Variants in SYNPR observed in about 807,000 individuals in gnomAD.
The protein encoded by SYNPR is synaptoporin.
In SYNPR, 23 loss-of-function variants were observed where a neutral mutation model predicts 32.9. The observed-to-expected ratio is 0.70, with a 90% CI of 0.50 to 0.99. The LOEUF (loss-of-function observed/expected upper bound fraction) is 0.99. Among genes scored for constraint, SYNPR ranks in the 50% least tolerant of loss-of-function variants. The pLI, the probability that SYNPR is intolerant of heterozygous loss-of-function variation, is 0.00. For missense variants in SYNPR, 318 were observed against 349.3 expected, an observed-to-expected ratio of 0.91 and a Z score of 0.71; for synonymous variants, 146 against 135.9, an observed-to-expected ratio of 1.07 and a Z score of -0.52.
chr3:63,212,070 T>C, the SYNPR span, among the ~76,000 whole-genome samples: 34 of 47,872 alleles, frequency 7.1e-4, no homozygotes, highest in Admixed American at 1.4e-3. Context: ...TAGTATTCCA[T>C]GGTGTATATG....
At chr3:63,505,319 G>A (rs1338652829) in intron 3 of SYNPR, among the ~76,000 whole-genome samples, 4 of 152,148 alleles carry the variant, frequency 2.6e-5, no homozygotes, top group Admixed American at 6.6e-5. Flanking sequence ...GAAGGCCACA[G>A]GGCTAGTAAA....
At chr3:63,348,845 G>T (rs2087470617) in intron 2 of SYNPR, among the ~76,000 whole-genome samples, 1 of 152,146 alleles carries the variant, frequency 6.6e-6, no homozygotes, top group Non-Finnish European at 1.5e-5. Context: ...CTGTAGATAT[G>T]TAGTTTCTTT....
At chr3:63,288,168 C>A (rs1212388224) in intron 2 of SYNPR, among the ~76,000 whole-genome samples, 4 of 152,126 alleles carry the variant, frequency 2.6e-5, no homozygotes, top group Non-Finnish European at 5.9e-5. Context: ...AAGTCAATAG[C>A]CAGTCTACAA....
chr3:63,391,786 G>A lies in SYNPR; in HGVS notation c.85-89046G>A, dbSNP rs137986656. On this transcript the variant is annotated intron_variant, in intron 2 of 5. Coordinates refer to ENST00000478300, the MANE Select transcript of SYNPR (RefSeq NM_001130003.2). Reference sequence around the variant, plus strand: ...CTGAGAGGTGGACCCAGATGACTGGGTTTGGAGTCTGCTCACTTAACTCCT... The same window carrying A: ...CTGAGAGGTGGACCCAGATGACTGGATTTGGAGTCTGCTCACTTAACTCCT... Among the ~76,000 whole-genome samples, 312 of 152,278 alleles carry A rather than the reference G, an allele frequency of 2.0e-3. 2 individuals carry two copies. The highest frequency in any genetic ancestry group is 7.1e-3 in the African/African-American group (297 of 41,554).
At chr3:63,517,419 T>C (rs1483451270) in intron 3 of SYNPR, among the ~76,000 whole-genome samples, 1 of 152,092 alleles carries the variant, frequency 6.6e-6, no homozygotes, top group African/African-American at 2.4e-5. Context: ...TAGAGAACAG[T>C]ATCATTAAGT....
At chr3:63,238,397 C>T (rs989147874) in intron 1 of SYNPR, among the ~76,000 whole-genome samples, 5 of 151,876 alleles carry the variant, frequency 3.3e-5, no homozygotes, top group African/African-American at 1.2e-4. Flanking sequence ...AGAAGAGGGT[C>T]TGATTGGTTC....
chr3:63,517,525 T>C (rs541083004), intron 3 of SYNPR, among the ~76,000 whole-genome samples: 36 of 152,278 alleles, frequency 2.4e-4, no homozygotes, highest in African/African-American at 7.9e-4. Context: ...AAAAGTGCCA[T>C]GCAGAATCCA....
At chr3:63,595,615 T>C (rs925745916) in intron 4 of SYNPR, among the ~76,000 whole-genome samples, 3 of 147,950 alleles carry the variant, frequency 2.0e-5, no homozygotes, top group South Asian at 4.3e-4. Flanking sequence ...ATCTGCTTCA[T>C]AGAGTTGTTG....
At chr3:63,415,459 AAAG>A (rs2088528223) in intron 2 of SYNPR, among the ~76,000 whole-genome samples, 1 of 152,232 alleles carries the variant, frequency 6.6e-6, no homozygotes, top group Admixed American at 6.5e-5. Context: ...TTAAAAAAGA[AAAG>A]AAAAATATGT....
At chr3:63,518,085 C>T (rs1450860245) in intron 3 of SYNPR, among the ~76,000 whole-genome samples, 1 of 152,084 alleles carries the variant, frequency 6.6e-6, no homozygotes, top group Non-Finnish European at 1.5e-5. Flanking sequence ...GGAGATTTTA[C>T]AGATTATATG....
chr3:63,597,990 C>T (rs998571554), intron 4 of SYNPR, among the ~76,000 whole-genome samples: 1 of 152,104 alleles, frequency 6.6e-6, no homozygotes, highest in Non-Finnish European at 1.5e-5. Flanking sequence ...TTCTTGGAGG[C>T]TGAATTAGCA....
At chr3:63,288,030 C>A (rs577720940) in intron 2 of SYNPR, among the ~76,000 whole-genome samples, 140 of 152,232 alleles carry the variant, frequency 9.2e-4, no homozygotes, top group Admixed American at 1.6e-3. Flanking sequence ...CTCTGTGTTC[C>A]CTTTCTGTTT....
At chr3:63,284,481 C>A (rs895078388) in intron 2 of SYNPR, among the ~76,000 whole-genome samples, 3 of 152,150 alleles carry the variant, frequency 2.0e-5, no homozygotes, top group Non-Finnish European at 4.4e-5. Context: ...TTTTGCAATA[C>A]CTTCTGCTAT....
intron 2 of SYNPR, among the ~76,000 whole-genome samples, chr3:63,254,182 A>G (rs1206341262): frequency 1.3e-5 from 2 of 152,054 alleles, no homozygotes; most frequent in African/African-American, 4.8e-5. Flanking sequence ...GTGGGGGGAG[A>G]GGGAAGGGAT....
At chr3:63,468,518 T>C (rs1700730571) in intron 2 of SYNPR, among the ~76,000 whole-genome samples, 1 of 130,304 alleles carries the variant, frequency 7.7e-6, no homozygotes, top group South Asian at 2.3e-4. Context: ...CACACACAAA[T>C]GCTTAAGGGC....
intron 2 of SYNPR, among the ~76,000 whole-genome samples, chr3:63,258,312 T>C (rs1384887914): frequency 6.6e-6 from 1 of 152,138 alleles, no homozygotes; most frequent in East Asian, 1.9e-4. Context: ...ACTGACCACA[T>C]AGTTGGAAGT....
intron 3 of SYNPR, among the ~76,000 whole-genome samples, chr3:63,554,231 A>T (rs1272598479): frequency 1.3e-5 from 2 of 152,188 alleles, no homozygotes; most frequent in Non-Finnish European, 1.5e-5. Flanking sequence ...ATTAGGTCCC[A>T]CTTACCAATT....
intron 2 of SYNPR, among the ~76,000 whole-genome samples, chr3:63,382,595 A>G (rs969974925): frequency 2.0e-5 from 3 of 152,176 alleles, no homozygotes; most frequent in South Asian, 2.1e-4. Flanking sequence ...TGGCTTTTCC[A>G]TCTCCATATC....
chr3:63,276,716 G>C (rs970949272), upstream of SYNPR, among the ~76,000 whole-genome samples: 7 of 146,662 alleles, frequency 4.8e-5, no homozygotes, highest in African/African-American at 1.8e-4. Flanking sequence ...AAGAGCAGTA[G>C]GAACAAAACT....
Sources: gnomAD v4.1 joint callset for allele counts (sites outside exome capture counted in the v4.1 genomes callset) on GRCh38, gnomAD v4.1.1 for gene constraint, MANE v1.5 for transcripts, NCBI Gene and HGNC (gene_info 2026-07-23, HGNC 2026-07-21) for gene names.